WWOX: variants seen among roughly 807,000 people sequenced by gnomAD.
WWOX encodes the protein WW domain containing oxidoreductase.
A neutral mutation model predicts 46.2 loss-of-function variants in WWOX; 69 were observed. The observed-to-expected ratio is 1.49, with a 90% CI of 1.23 to 1.82. WWOX has a LOEUF of 1.82. WWOX is among the 40% of genes most tolerant of loss of function. The probability of loss-of-function intolerance (pLI) is 0.00; values close to 1 mark genes in which losing one functional copy is unlikely to be tolerated. For missense variants in WWOX, 919 were observed against 542.6 expected (o/e 1.69, Z -6.89); for synonymous variants, 359 against 202.6 (o/e 1.77, Z -6.56).
At chr16:79,210,652 T>C (rs1258071234) in intron 8 of WWOX, among the ~76,000 whole-genome samples, 7 of 152,184 alleles carry the variant, frequency 4.6e-5, no homozygotes, top group Non-Finnish European at 8.8e-5. Flanking sequence ...ATAAACTGTA[T>C]TGGTTTTAAA....
At chr16:79,054,928 A>G (rs1302368938) in intron 8 of WWOX, among the ~76,000 whole-genome samples, 1 of 152,224 alleles carries the variant, frequency 6.6e-6, no homozygotes, top group African/African-American at 2.4e-5. Context: ...AAGCAATTGC[A>G]GCAAATACCA....
intron 5 of WWOX, among the ~76,000 whole-genome samples, chr16:78,302,016 G>A (rs1489966705): frequency 3.3e-5 from 5 of 150,732 alleles, no homozygotes; most frequent in African/African-American, 7.3e-5. Context: ...GCTGGAGTGC[G>A]ATGGCACAAT....
intron 8 of WWOX, among the ~76,000 whole-genome samples, chr16:78,776,664 A>G (rs1237312436): frequency 4.6e-5 from 7 of 152,180 alleles, no homozygotes; most frequent in African/African-American, 1.2e-4. Flanking sequence ...TGGGAAATTT[A>G]TAAAGAAAAG....
chr16:78,768,300 A>AAAAAAAAAT (rs1555531813), intron 8 of WWOX, among the ~76,000 whole-genome samples: 3 of 148,880 alleles, frequency 2.0e-5, no homozygotes, highest in Non-Finnish European at 4.5e-5. Flanking sequence ...AAAAAAAAAA[A>AAAAAAAAAT]GTTGCCTGGC....
chr16:79,155,637 C>G (rs11859454), intron 8 of WWOX, among the ~76,000 whole-genome samples: 1 of 151,596 alleles, frequency 6.6e-6, no homozygotes, highest in Non-Finnish European at 1.5e-5. Context: ...TGATACAGTG[C>G]GCATGAATTG....
At chr16:78,940,294 T>C (rs1324786082) in intron 8 of WWOX, among the ~76,000 whole-genome samples, 5 of 152,242 alleles carry the variant, frequency 3.3e-5, no homozygotes, top group African/African-American at 1.2e-4. Context: ...TTGTTTACCC[T>C]GATTTTTTGA....
chr16:79,013,169 C>T (rs914205071), intron 8 of WWOX, among the ~76,000 whole-genome samples: 1 of 152,160 alleles, frequency 6.6e-6, no homozygotes, highest in African/African-American at 2.4e-5. Context: ...CTGCCACTTG[C>T]CGCCCACCGC....
chr16:78,702,363 AACCAG>A (rs2048243156), intron 8 of WWOX, among the ~76,000 whole-genome samples: 1 of 151,848 alleles, frequency 6.6e-6, no homozygotes, highest in South Asian at 2.1e-4. Context: ...GAAATGATGT[AACCAG>A]GCTGGGCATG....
At chr16:78,464,020 C>T (rs762750648) in intron 8 of WWOX, among the ~76,000 whole-genome samples, 1 of 152,074 alleles carries the variant, frequency 6.6e-6, no homozygotes, top group Non-Finnish European at 1.5e-5. Flanking sequence ...CTAGGACAGG[C>T]AAGGCAGTGG....
intron 8 of WWOX, among the ~76,000 whole-genome samples, chr16:78,888,149 G>A (rs934216752): frequency 8.5e-5 from 13 of 152,078 alleles, no homozygotes; most frequent in African/African-American, 2.7e-4. Context: ...CAAAAAGCTG[G>A]CTCCTTTTAA....
chr16:79,010,029 G>T (rs947915459), intron 8 of WWOX, among the ~76,000 whole-genome samples: 1 of 152,180 alleles, frequency 6.6e-6, no homozygotes, highest in African/African-American at 2.4e-5. Flanking sequence ...TGGGTCTTGA[G>T]TATGCCTAGA....
At chr16:79,004,703 G>C (rs2047158808) in intron 8 of WWOX, 1 of 152,204 alleles carries the variant, frequency 6.6e-6, no homozygotes, top group East Asian at 1.9e-4. Context: ...GCGTTTCACG[G>C]GAAGGTATTA....
intron 8 of WWOX, among the ~76,000 whole-genome samples, chr16:79,019,407 G>T (rs975922641): frequency 6.6e-6 from 1 of 151,990 alleles, no homozygotes; most frequent in African/African-American, 2.4e-5. Flanking sequence ...ATTGGGCTGC[G>T]TACTGTAGGC....
intron 8 of WWOX, among the ~76,000 whole-genome samples, chr16:78,793,799 G>A (rs544727221): frequency 2.9e-4 from 44 of 152,120 alleles, no homozygotes; most frequent in South Asian, 1.0e-3. Context: ...TTTTTGGCTG[G>A]GCAAGGTGGC....
chr16:79,020,610 G>T (rs2047514139), intron 8 of WWOX, among the ~76,000 whole-genome samples: 1 of 152,176 alleles, frequency 6.6e-6, no homozygotes, highest in Non-Finnish European at 1.5e-5. Flanking sequence ...GTACAAGTTT[G>T]CTGGGTAGAA....
intron 8 of WWOX, among the ~76,000 whole-genome samples, chr16:79,102,194 C>T (rs908839893): frequency 2.6e-5 from 4 of 152,154 alleles, no homozygotes; most frequent in Admixed American, 1.3e-4. Context: ...AATGTCTCTT[C>T]TCAATCTTTC....
chr16:79,057,482 G>T (rs1175441773), intron 8 of WWOX, among the ~76,000 whole-genome samples: 1 of 152,166 alleles, frequency 6.6e-6, no homozygotes, highest in Non-Finnish European at 1.5e-5. Flanking sequence ...TTTCTGTAAA[G>T]ACCATTATTA....
At chr16:79,145,360 A>AT (rs1247862079) in intron 8 of WWOX, among the ~76,000 whole-genome samples, 2 of 152,154 alleles carry the variant, frequency 1.3e-5, no homozygotes, top group Non-Finnish European at 1.5e-5. Context: ...AGAGTCAAGG[A>AT]TTTTTTTGTT....
intron 8 of WWOX, among the ~76,000 whole-genome samples, chr16:78,714,027 T>A (rs539584449): frequency 6.6e-6 from 1 of 152,048 alleles, no homozygotes; most frequent in East Asian, 1.9e-4. Context: ...GGGGGGAAGG[T>A]AAGGGAACTG....
Sources: allele counts gnomAD v4.1 joint callset (sites outside exome capture counted in the v4.1 genomes callset), GRCh38; gene constraint gnomAD v4.1.1; transcripts MANE v1.5; gene names NCBI Gene and HGNC (gene_info 2026-07-23, HGNC 2026-07-21).